The following WDR70 variants were observed in gnomAD, a reference collection of about 807,000 sequenced individuals.
WDR70 encodes WD repeat domain 70.
WDR70 carries 53 observed loss-of-function variants against 88.6 expected under a neutral mutation model. The observed-to-expected ratio is 0.60, with a 90% CI of 0.48 to 0.75. The LOEUF is 0.75. WDR70 is among the 30% of genes least tolerant of loss of function. The pLI, the probability that WDR70 is intolerant of heterozygous loss-of-function variation, is 0.00. For missense variants in WDR70, 610 were observed against 823.2 expected, an observed-to-expected ratio of 0.74 and a Z score of 3.17; for synonymous variants, 280 against 270.0, an observed-to-expected ratio of 1.04 and a Z score of -0.36.
At chr5:37,749,747 G>A (rs1054379156) in intron 17 of WDR70, among the ~76,000 whole-genome samples, 1 of 149,858 alleles carries the variant, frequency 6.7e-6, no homozygotes, top group Admixed American at 6.7e-5. Context: ...GGAAACTGTT[G>A]TGATCTAGTG....
chr5:37,538,850 C>T (rs1233644744), intron 9 of WDR70, among the ~76,000 whole-genome samples: 1 of 152,126 alleles, frequency 6.6e-6, no homozygotes, highest in African/African-American at 2.4e-5. Context: ...TTAAAAAATG[C>T]TTACTTATCC....
chr5:37,441,380 T>C (rs1286348710), intron 6 of WDR70, among the ~76,000 whole-genome samples: 1 of 152,174 alleles, frequency 6.6e-6, no homozygotes, highest in Non-Finnish European at 1.5e-5. Flanking sequence ...TATGTATGAT[T>C]CCCTTATATT....
chr5:37,384,173 C>CTTTTTT (rs57075180), intron 3 of WDR70, among the ~76,000 whole-genome samples: 15 of 107,876 alleles, frequency 1.4e-4, no homozygotes, highest in African/African-American at 1.7e-4. Context: ...ACTTTCCCCC[C>CTTTTTT]TTTTTTTTTT....
intron 7 of WDR70, among the ~76,000 whole-genome samples, chr5:37,478,267 TG>T (rs1739547190): frequency 6.6e-6 from 1 of 152,236 alleles, no homozygotes; most frequent in African/African-American, 2.4e-5. Flanking sequence ...CACAAATGCC[TG>T]AAATATTGCA....
At chr5:37,601,522 A>G (rs1415706800) in intron 9 of WDR70, among the ~76,000 whole-genome samples, 1 of 152,144 alleles carries the variant, frequency 6.6e-6, no homozygotes, top group Non-Finnish European at 1.5e-5. Context: ...TATCAGGGCA[A>G]TGCTAGCCTT....
Position 37,568,757 on chromosome 5 carries a change from A to G in WDR70, c.918-36307A>G, listed in dbSNP as rs148607132. On this transcript the variant is annotated intron_variant, in intron 9 of 17. Transcript: ENST00000265107. ...GATATTGATTGTAAAAATGACTTTG[A>G]TTATTTCCCTCCTGTATCTGTGCCC... 3.3e-3 allele frequency among the ~76,000 whole-genome samples: 502 copies of G among 152,290 alleles called. 2 individuals are homozygous for G. Among genetic ancestry groups the G allele is most frequent in the African/African-American group, 0.012 (479 of 41,568 alleles).
At chr5:37,638,479 G>A (rs1244590377) in intron 10 of WDR70, among the ~76,000 whole-genome samples, 3 of 152,148 alleles carry the variant, frequency 2.0e-5, no homozygotes, top group Admixed American at 6.5e-5. Context: ...ATACATGCAC[G>A]CACATGCGCG....
chr5:37,430,810 C>T (rs138862756), intron 5 of WDR70, among the ~76,000 whole-genome samples: 2,188 of 152,176 alleles, frequency 0.014, 59 homozygotes, highest in African/African-American at 0.051. Flanking sequence ...ATCCACCTGC[C>T]TCGGCCTCCC....
chr5:37,578,499 T>G (rs1415038541), intron 9 of WDR70, among the ~76,000 whole-genome samples: 1 of 152,210 alleles, frequency 6.6e-6, no homozygotes, highest in African/African-American at 2.4e-5. Context: ...TTGCTCCCTA[T>G]TTATGAAATT....
intron 8 of WDR70, among the ~76,000 whole-genome samples, chr5:37,484,263 A>C (rs371317282): frequency 5.8e-4 from 89 of 152,350 alleles, no homozygotes; most frequent in African/African-American, 1.9e-3. Flanking sequence ...AGCCTGGGCA[A>C]CATTGAGCAC....
At chr5:37,685,851 T>C (rs1046074698) in intron 10 of WDR70, among the ~76,000 whole-genome samples, 11 of 152,146 alleles carry the variant, frequency 7.2e-5, no homozygotes, top group Non-Finnish European at 1.3e-4. Context: ...CAGGAGTCAC[T>C]GGGGGCCAGA....
chr5:37,673,593 C>A (rs904798006), intron 10 of WDR70, among the ~76,000 whole-genome samples: 2 of 119,046 alleles, frequency 1.7e-5, no homozygotes, highest in African/African-American at 6.3e-5. Context: ...ACCCCCCCCC[C>A]ACCCTTTTTT....
chr5:37,463,686 T>C (rs942175506), intron 7 of WDR70, among the ~76,000 whole-genome samples: 5 of 152,340 alleles, frequency 3.3e-5, no homozygotes, highest in African/African-American at 9.6e-5. Context: ...TTAGATTGGC[T>C]TTCTCTCTCT....
chr5:37,616,432 A>G (rs1744345515), intron 10 of WDR70, among the ~76,000 whole-genome samples: 1 of 152,086 alleles, frequency 6.6e-6, no homozygotes, highest in African/African-American at 2.4e-5. Flanking sequence ...TTTTAGTCAG[A>G]CTAGATTATA....
At chr5:37,462,961 C>T (rs1739052657) in intron 7 of WDR70, among the ~76,000 whole-genome samples, 2 of 152,040 alleles carry the variant, frequency 1.3e-5, no homozygotes, top group African/African-American at 4.8e-5. Flanking sequence ...CTAGTCTTGT[C>T]TCCTCATTTT....
intron 8 of WDR70, 64 bp downstream of exon 8, chr5:37,480,051 G>A: frequency 6.5e-7 from 1 of 1,532,348 alleles, no homozygotes; most frequent in African/African-American, 1.4e-5. Flanking sequence ...AACTATTTGA[G>A]TTATCATGTA....
At chr5:37,540,370 C>A (rs1239099455) in intron 9 of WDR70, among the ~76,000 whole-genome samples, 2 of 152,092 alleles carry the variant, frequency 1.3e-5, no homozygotes, top group South Asian at 2.1e-4. Flanking sequence ...TCATTTTCTA[C>A]TAACATTGTT....
At chr5:37,589,093 A>G (rs1450904049) in intron 9 of WDR70, among the ~76,000 whole-genome samples, 1 of 151,730 alleles carries the variant, frequency 6.6e-6, no homozygotes, top group South Asian at 2.1e-4. Flanking sequence ...GTGTCTTGCT[A>G]TATTGTTCAG....
intron 10 of WDR70, among the ~76,000 whole-genome samples, chr5:37,678,630 G>C (rs1361029217): frequency 6.6e-6 from 1 of 151,854 alleles, no homozygotes; most frequent in Non-Finnish European, 1.5e-5. Context: ...TCCCTTTGTG[G>C]GTAACCCAAC....
Sources: allele counts gnomAD v4.1 joint callset (sites outside exome capture counted in the v4.1 genomes callset), GRCh38; gene constraint gnomAD v4.1.1; transcripts MANE v1.5; gene names NCBI Gene and HGNC (gene_info 2026-07-23, HGNC 2026-07-21).